Variants in SLC25A48 observed in about 807,000 individuals in gnomAD.
The protein encoded by SLC25A48 is solute carrier family 25 member 48.
SLC25A48 carries 29 observed loss-of-function variants against 32.2 expected under a neutral mutation model. That is an observed-to-expected ratio of 0.90 (90% CI 0.67 to 1.23). The LOEUF is 1.23. SLC25A48 is among the 50% of genes most tolerant of loss of function. The pLI is 0.00. For synonymous variants in SLC25A48, 164 were observed against 172.3 expected (o/e 0.95, Z 0.38); for missense variants, 399 against 422.7 (o/e 0.94, Z 0.49).
rs752672064 is a variant in SLC25A48, at chr5:135,834,730, G to A, written c.-118G>A. The A allele has an allele frequency of 1.5e-4, 173 of 1,135,760 alleles. No homozygotes were observed. The highest frequency in any genetic ancestry group is 1.6e-4 in the Non-Finnish European group (132 of 807,640). The allele number at this position is 1,135,760 out of a possible 1,614,324, so 70.4% of individuals were successfully genotyped here. A position where few individuals can be genotyped will look rare whatever the true frequency, so the allele number is the denominator to read the frequency against. ...GGGGACTGGGTTTGGAGTAGGACCT[G>A]CGGCGTGCTCGAGACTCCGACTTCG... On this transcript the variant is annotated 5_prime_UTR_variant, in exon 1 of 8. Coordinates refer to ENST00000681962, the MANE Select transcript of SLC25A48 (RefSeq NM_001349336.2).
At chr5:135,867,621 A>G (rs1180326233) in intron 4 of SLC25A48, among the ~76,000 whole-genome samples, 3 of 152,168 alleles carry the variant, frequency 2.0e-5, no homozygotes, top group East Asian at 3.8e-4. Flanking sequence ...CAGCAGGGCT[A>G]TCTTATACTG....
At chr5:135,631,907 C>T (rs1030078373) in intron 2 of SLC25A48, among the ~76,000 whole-genome samples, 1 of 152,190 alleles carries the variant, frequency 6.6e-6, no homozygotes, top group African/African-American at 2.4e-5. Flanking sequence ...ATCTATAACA[C>T]TGTTAAGCAG....
intron 3 of SLC25A48, among the ~76,000 whole-genome samples, chr5:135,791,330 T>C (rs1757026606): frequency 6.6e-6 from 1 of 151,844 alleles, no homozygotes; most frequent in African/African-American, 2.4e-5. Context: ...AGGTGATCTA[T>C]AACTTGTGAT....
chr5:135,790,741 C>A (rs1239870577), intron 3 of SLC25A48, among the ~76,000 whole-genome samples: 2 of 151,258 alleles, frequency 1.3e-5, no homozygotes, highest in African/African-American at 2.4e-5. Context: ...TGATATTATT[C>A]ATAATATTCT....
chr5:135,733,488 G>C (rs1456609198), intron 3 of SLC25A48, among the ~76,000 whole-genome samples: 1 of 152,222 alleles, frequency 6.6e-6, no homozygotes, highest in African/African-American at 2.4e-5. Flanking sequence ...GGAGTAGAAA[G>C]TATATGCATC....
At chr5:135,772,192 G>A (rs1271756156) in intron 3 of SLC25A48, among the ~76,000 whole-genome samples, 1 of 151,604 alleles carries the variant, frequency 6.6e-6, no homozygotes, top group East Asian at 1.9e-4. Flanking sequence ...CAGGGTGTGA[G>A]AGGATGACTT....
chr5:135,606,869 C>G (rs1666717437), intron 1 of SLC25A48, among the ~76,000 whole-genome samples: 1 of 152,170 alleles, frequency 6.6e-6, no homozygotes, highest in Non-Finnish European at 1.5e-5. Context: ...TTTTATAGTT[C>G]AGAGGAGCAA....
chr5:135,772,564 T>C (rs542404896), intron 3 of SLC25A48, among the ~76,000 whole-genome samples: 1 of 150,560 alleles, frequency 6.6e-6, no homozygotes, highest in Admixed American at 6.6e-5. Context: ...AGGGGTGAGA[T>C]GATAATATTA....
At chr5:135,805,443 T>TATACACGCTGTGC (rs1313953436) in intron 3 of SLC25A48, among the ~76,000 whole-genome samples, 3 of 151,436 alleles carry the variant, frequency 2.0e-5, no homozygotes, top group Non-Finnish European at 4.4e-5. Context: ...TCACAGTGGG[T>TATACACGCTGTGC]ATACACGCTG....
At chr5:135,858,800 C>T (rs1185916412) in intron 4 of SLC25A48, among the ~76,000 whole-genome samples, 1 of 152,190 alleles carries the variant, frequency 6.6e-6, no homozygotes, top group Non-Finnish European at 1.5e-5. Flanking sequence ...GAGCATGTCC[C>T]CAAAATGACG....
At chr5:135,654,820 C>T (rs1284145382) in intron 3 of SLC25A48, among the ~76,000 whole-genome samples, 1 of 152,238 alleles carries the variant, frequency 6.6e-6, no homozygotes, top group Admixed American at 6.5e-5. Flanking sequence ...CTGTGGCCTG[C>T]AGCATCAGCT....
intron 1 of SLC25A48, among the ~76,000 whole-genome samples, chr5:135,583,203 C>T (rs202188555): frequency 2.3e-4 from 25 of 108,822 alleles, no homozygotes; most frequent in South Asian, 6.7e-4. Context: ...TGTGTGTTTG[C>T]GTGTGTGTAG....
chr5:135,584,534 G>A (rs1751317928), intron 1 of SLC25A48, among the ~76,000 whole-genome samples: 1 of 152,208 alleles, frequency 6.6e-6, no homozygotes, highest in African/African-American at 2.4e-5. Context: ...CATCACTTAA[G>A]CATCACTCAT....
intron 3 of SLC25A48, among the ~76,000 whole-genome samples, chr5:135,726,634 A>C (rs889685269): frequency 2.0e-4 from 30 of 152,182 alleles, no homozygotes; most frequent in African/African-American, 7.2e-4. Context: ...AGGTTGTTGC[A>C]TGTGTCAATA....
At chr5:135,832,119 G>A (rs552945085), upstream of SLC25A48, among the ~76,000 whole-genome samples, 72 of 152,270 alleles carry the variant, frequency 4.7e-4, no homozygotes, top group African/African-American at 1.4e-3. Context: ...CGAGGGATGC[G>A]CTAAGATGAC....
At chr5:135,702,816 T>G (rs1272915988) in intron 3 of SLC25A48, among the ~76,000 whole-genome samples, 3 of 152,218 alleles carry the variant, frequency 2.0e-5, no homozygotes, top group African/African-American at 7.2e-5. Flanking sequence ...AAAACACGTG[T>G]TAGCGTGGCG....
At chr5:135,785,770 C>G (rs1756828297) in intron 3 of SLC25A48, among the ~76,000 whole-genome samples, 1 of 147,430 alleles carries the variant, frequency 6.8e-6, no homozygotes, top group African/African-American at 2.5e-5. Flanking sequence ...TCCCGCTTGC[C>G]CCATGGATCG....
chr5:135,850,493 G>C lies in SLC25A48; in HGVS notation c.159G>C (p.Glu53Asp). Residue 53 changes from glutamate to aspartate, a missense_variant, in exon 3 of 8, where the codon GAG (glutamate) becomes GAC (aspartate). Coordinates refer to ENST00000681962, the MANE Select transcript of SLC25A48 (RefSeq NM_001349336.2). ...GCATCCGCGTGGTGTACAGGAGGGAGAGTGTAAGTGCCCCTTGGGCGGGTG... is the reference window on the plus strand; with the variant it reads ...GCATCCGCGTGGTGTACAGGAGGGACAGTGTAAGTGCCCCTTGGGCGGGTG... The part of the protein sequence containing the change: ...LSCIRVVYRR[E>D]SMFGFFKGMS... 6.2e-7 allele frequency: 1 copy of C among 1,614,050 alleles called. No homozygotes were observed. The highest frequency in any genetic ancestry group is 8.5e-7 in the Non-Finnish European group (1 of 1,180,028).
intron 1 of SLC25A48, among the ~76,000 whole-genome samples, chr5:135,839,349 C>T (rs1758804807): frequency 6.6e-6 from 1 of 152,174 alleles, no homozygotes; most frequent in Non-Finnish European, 1.5e-5. Flanking sequence ...CATTTCAGAG[C>T]TTTAAGATTT....
Sources: gnomAD v4.1 joint callset for allele counts (sites outside exome capture counted in the v4.1 genomes callset) on GRCh38, gnomAD v4.1.1 for gene constraint, MANE v1.5 for transcripts, NCBI Gene and HGNC (gene_info 2026-07-23, HGNC 2026-07-21) for gene names.